Variants in KCNH1 observed in about 807,000 individuals in gnomAD.
The protein encoded by KCNH1 is voltage-gated delayed rectifier potassium channel KCNH1.
KCNH1 carries 27 observed loss-of-function variants against 69.2 expected under a neutral mutation model. The observed-to-expected ratio is 0.39, with a 90% CI of 0.29 to 0.54. The LOEUF is 0.54. KCNH1 is among the 20% of genes least tolerant of loss of function. KCNH1 has a pLI of 0.68. For missense variants in KCNH1, 798 were observed against 1,261.6 expected (o/e 0.63, Z 5.57); for synonymous variants, 456 against 487.7 (o/e 0.93, Z 0.86).
intron 10 of KCNH1, among the ~76,000 whole-genome samples, chr1:210,695,850 G>T (rs764845387): frequency 6.6e-6 from 1 of 152,202 alleles, no homozygotes; most frequent in Non-Finnish European, 1.5e-5. Context: ...CACTCCGCTG[G>T]CTGGGCACTG....
intron 10 of KCNH1, among the ~76,000 whole-genome samples, chr1:210,754,715 A>G (rs536330090): frequency 6.6e-6 from 1 of 152,132 alleles, no homozygotes; most frequent in Non-Finnish European, 1.5e-5. Context: ...AGCCAAGCAG[A>G]TGCTGGCACC....
At chr1:210,768,053 G>C (rs893429461) in intron 10 of KCNH1, among the ~76,000 whole-genome samples, 1 of 152,114 alleles carries the variant, frequency 6.6e-6, no homozygotes, top group African/African-American at 2.4e-5. Context: ...AGGGGCCCAG[G>C]CTCAAATTTT....
intron 7 of KCNH1, among the ~76,000 whole-genome samples, chr1:210,886,025 G>A (rs2102515038): frequency 6.6e-6 from 1 of 152,328 alleles, no homozygotes; most frequent in Non-Finnish European, 1.5e-5. Flanking sequence ...AGATCCCCCA[G>A]CACAGCACTT....
intron 6 of KCNH1, among the ~76,000 whole-genome samples, chr1:210,932,853 A>G (rs943511979): frequency 3.3e-5 from 5 of 152,196 alleles, no homozygotes; most frequent in African/African-American, 1.2e-4. Context: ...GCTCTCAGAT[A>G]TATAAAGCAA....
chr1:210,681,166 T>A lies in KCNH1; in HGVS notation c.*2115A>T, dbSNP rs1275322153. On this transcript the variant is annotated 3_prime_UTR_variant, in exon 11 of 11. Transcript: ENST00000271751. ...TCAGAAGCAGGTTGAGGAGCATGTT[T>A]AAGAAATGGCAGACTAGAATGTTAG... 6.6e-6 allele frequency: 1 copy of A among 152,190 alleles called. No individual in the cohort carries two copies. The highest frequency in any genetic ancestry group is 1.5e-5 in the Non-Finnish European group (1 of 68,044). 9.4% of individuals were successfully genotyped at this position (152,190 alleles called of 1,614,324 possible).
intron 6 of KCNH1, among the ~76,000 whole-genome samples, chr1:210,984,910 G>A (rs1201636846): frequency 1.3e-5 from 2 of 152,134 alleles, no homozygotes; most frequent in South Asian, 2.1e-4. Flanking sequence ...AACCCATCTG[G>A]TCGTGGACTT....
At chr1:211,019,396 T>C (rs1171417305) in intron 5 of KCNH1, 140 bp from the exon 6 acceptor site, 2 of 606,936 alleles carry the variant, frequency 3.3e-6, no homozygotes, top group East Asian at 2.7e-5. Context: ...GAAAGAAGTA[T>C]GGGAGAATGA....
chr1:210,842,891 A>G (rs1304374670), intron 7 of KCNH1, among the ~76,000 whole-genome samples: 1 of 152,200 alleles, frequency 6.6e-6, no homozygotes, highest in African/African-American at 2.4e-5. Flanking sequence ...GAATAACAGC[A>G]TACATCTGTG....
intron 7 of KCNH1, among the ~76,000 whole-genome samples, chr1:210,857,624 ATT>A (rs1484233968): frequency 1.3e-5 from 2 of 152,184 alleles, no homozygotes; most frequent in African/African-American, 4.8e-5. Flanking sequence ...CAATATATGC[ATT>A]TGTTTTTATA....
intron 6 of KCNH1, among the ~76,000 whole-genome samples, chr1:210,999,916 C>G (rs1212820756): frequency 6.6e-6 from 1 of 152,212 alleles, no homozygotes; most frequent in Admixed American, 6.5e-5. Flanking sequence ...ACAAAAACCA[C>G]ATGATTATCT....
intron 3 of KCNH1, among the ~76,000 whole-genome samples, chr1:211,092,825 AC>A (rs1406920440): frequency 7.2e-6 from 1 of 139,586 alleles, no homozygotes; most frequent in Non-Finnish European, 1.6e-5. Flanking sequence ...ATCAAAAAAA[AC>A]CTTTTTTTTT....
chr1:211,121,360 C>T (rs1462838286), intron 1 of KCNH1, among the ~76,000 whole-genome samples: 3 of 152,056 alleles, frequency 2.0e-5, no homozygotes, highest in Non-Finnish European at 4.4e-5. Flanking sequence ...GAACAGAGAC[C>T]TCAGAAATAA....
At chr1:210,905,652 G>A (rs541061512) in intron 7 of KCNH1, among the ~76,000 whole-genome samples, 1 of 151,022 alleles carries the variant, frequency 6.6e-6, no homozygotes, top group African/African-American at 2.4e-5. Flanking sequence ...TTTCATCTCA[G>A]GGGAAAAAAA....
chr1:211,070,508 T>A (rs1476539577), intron 5 of KCNH1, among the ~76,000 whole-genome samples: 1 of 146,200 alleles, frequency 6.8e-6, no homozygotes, highest in East Asian at 2.1e-4. Context: ...ATATCTAAGA[T>A]AACCAAAAAA....
intron 10 of KCNH1, among the ~76,000 whole-genome samples, chr1:210,734,149 G>A (rs1322896947): frequency 6.6e-6 from 1 of 152,072 alleles, no homozygotes; most frequent in Non-Finnish European, 1.5e-5. Context: ...CATTATTTAC[G>A]CTACATTGAA....
At chr1:210,790,783 T>C (rs1181181200) in intron 9 of KCNH1, among the ~76,000 whole-genome samples, 1 of 152,196 alleles carries the variant, frequency 6.6e-6, no homozygotes, top group East Asian at 1.9e-4. Flanking sequence ...CTCCGTTCAA[T>C]CCATTAATCT....
intron 6 of KCNH1, among the ~76,000 whole-genome samples, chr1:210,950,816 A>G (rs1179479669): frequency 2.6e-5 from 4 of 152,198 alleles, no homozygotes; most frequent in Admixed American, 2.6e-4. Context: ...TCGATTTAAT[A>G]TAGAAACAAC....
intron 6 of KCNH1, among the ~76,000 whole-genome samples, chr1:210,967,174 G>T (rs562305232): frequency 1.3e-5 from 2 of 152,038 alleles, no homozygotes; most frequent in African/African-American, 4.8e-5. Flanking sequence ...GGACTGTCAG[G>T]GGTTGGGGGG....
At chr1:210,767,578 A>T (rs919656940) in intron 10 of KCNH1, among the ~76,000 whole-genome samples, 25 of 152,216 alleles carry the variant, frequency 1.6e-4, no homozygotes, top group Admixed American at 5.2e-4. Flanking sequence ...ATTTCATAAT[A>T]GATAATACTT....
Sources: allele counts gnomAD v4.1 joint callset (sites outside exome capture counted in the v4.1 genomes callset), GRCh38; gene constraint gnomAD v4.1.1; transcripts MANE v1.5; gene names NCBI Gene and HGNC (gene_info 2026-07-23, HGNC 2026-07-21).